SARS1: variants seen among roughly 807,000 people sequenced by gnomAD.
The protein encoded by SARS1 is serine--tRNA ligase, cytoplasmic.
In SARS1, 25 loss-of-function variants were observed where a neutral mutation model predicts 63.7. The observed-to-expected ratio is 0.39, with a 90% CI of 0.29 to 0.55. The LOEUF is 0.55. Among genes scored for constraint, SARS1 ranks in the 20% least tolerant of loss-of-function variants. The pLI, the probability that SARS1 is intolerant of heterozygous loss-of-function variation, is 0.62. For missense variants in SARS1, 417 were observed against 649.7 expected (o/e 0.64, Z 3.89); for synonymous variants, 231 against 243.5 (o/e 0.95, Z 0.48).
At chr1:109,231,892 C>G (rs906170855) in intron 6 of SARS1, 106 bp downstream of exon 6, 1 of 964,438 alleles carries the variant, frequency 1.0e-6, no homozygotes. Flanking sequence ...ATGATGGAAA[C>G]GTTCTCTCTC....
chr1:109,214,273 C>G lies in SARS1; in HGVS notation c.136+145C>G, dbSNP rs1260548566. 3 of 1,038,956 alleles carry G rather than the reference C, an allele frequency of 2.9e-6. No individual in the cohort carries two copies. Among genetic ancestry groups the G allele is most frequent in the Non-Finnish European group, 4.1e-6 (3 of 730,002 alleles). 64.4% of individuals were successfully genotyped at this position (1,038,956 alleles called of 1,614,324 possible). On this transcript the variant is annotated intron_variant, in intron 1 of 10. Transcript: ENST00000234677. This position sits in a 1 kb window ranked among gnomAD's most constrained non-coding sequence, Gnocchi z 4.6. ...GGTGGCTCCGAGGTTCTCCCCATCCCCGAAAACACAGCCTGGTCGCCGGGG... is the reference window on the plus strand; with the variant it reads ...GGTGGCTCCGAGGTTCTCCCCATCCGCGAAAACACAGCCTGGTCGCCGGGG...
chr1:109,226,266 A>T (rs1157993101), intron 2 of SARS1, among the ~76,000 whole-genome samples: 1 of 150,282 alleles, frequency 6.7e-6, no homozygotes, highest in African/African-American at 2.5e-5. Context: ...GAGTGGAGTT[A>T]TGGTTAGAAT....
At position 109,235,222 on chromosome 1, in the gene SARS1, G is replaced by C. The variant is rs1487575499; in HGVS notation, c.760G>C (p.Gly254Arg). The C allele has an allele frequency of 6.2e-7, 1 of 1,614,068 alleles. No homozygotes were observed. Among genetic ancestry groups the C allele is most frequent in the South Asian group, 1.1e-5 (1 of 91,080 alleles). The change falls in exon 7 of 11, where the codon GGC (glycine) becomes CGC (arginine). Residue 254 changes from glycine (G) to arginine (R), a missense_variant. Physicochemically the swap from Gly to Arg is moderately radical, Grantham distance 125. Coordinates refer to ENST00000234677, the MANE Select transcript of SARS1 (RefSeq NM_006513.4). This position sits in a 1 kb window ranked among gnomAD's most constrained non-coding sequence, Gnocchi z 4.7. ...DEELYKVIGK[G>R]SEKSDDNSYD... ...CTTCCTTCCACAGGTGATTGGCAAAGGCAGTGAAAAGTCTGATGACAACTC... is the reference window on the plus strand; with the variant it reads ...CTTCCTTCCACAGGTGATTGGCAAACGCAGTGAAAAGTCTGATGACAACTC...
intron 1 of SARS1, among the ~76,000 whole-genome samples, chr1:109,221,997 TA>T (rs1557715379): frequency 0.015 from 262 of 17,420 alleles, 2 homozygotes; most frequent in Non-Finnish European, 0.02. Context: ...TATATATATA[TA>T]TATATATATA....
chr1:109,236,460 G>A lies in SARS1; in HGVS notation c.1169G>A (p.Arg390His), dbSNP rs756193847. The A allele has an allele frequency of 3.7e-6, 6 of 1,606,110 alleles. No homozygotes were observed. Among genetic ancestry groups the A allele is most frequent in the South Asian group, 1.1e-5 (1 of 90,952 alleles). ...EAWFPGSGAF[R>H]ELVSCSNCTD... is the part of the protein sequence containing the mutation. ...TGGTTTCCGGGCTCAGGAGCCTTCC[G>A]TGAGTTGGTCTCCTGTTCTAATTGC... Residue 390 changes from arginine (R) to histidine (H), a missense_variant, in exon 9 of 11, where the codon CGT becomes CAT. Arg to His is a conservative substitution (Grantham distance 29, BLOSUM62 0). Transcript: ENST00000234677.
At chr1:109,215,270 TG>T in intron 1 of SARS1, 2 of 985,518 alleles carry the variant, frequency 2.0e-6, no homozygotes, top group Non-Finnish European at 2.4e-6. Flanking sequence ...CCACATTTTT[TG>T]TTTAGGATAA....
intron 2 of SARS1, among the ~76,000 whole-genome samples, chr1:109,226,429 G>A (rs1655072090): frequency 6.7e-6 from 1 of 148,366 alleles, no homozygotes; most frequent in Admixed American, 6.7e-5. Flanking sequence ...ATAGCTCACT[G>A]CAGCCTCCAA....
intron 1 of SARS1, chr1:109,216,613 C>T: frequency 3.1e-6 from 3 of 964,946 alleles, no homozygotes; most frequent in African/African-American, 1.8e-5. Flanking sequence ...TTTTACTGTA[C>T]ATTGAAAATT....
chr1:109,216,797 A>G (rs1217039265), intron 1 of SARS1: 8 of 524,016 alleles, frequency 1.5e-5, no homozygotes, highest in Non-Finnish European at 2.0e-5. Flanking sequence ...TAATGTGTGT[A>G]TTTTTTGTAG....
chr1:109,236,541 T>C lies in SARS1; in HGVS notation c.1250T>C (p.Met417Thr). The C allele has an allele frequency of 6.2e-7, 1 of 1,600,946 alleles. No homozygotes were observed. The highest frequency in any genetic ancestry group is 8.6e-7 in the Non-Finnish European group (1 of 1,168,902). ...CGATATGGGCAAACCAAGAAGATGATGGACAAGGTAGATGGCCCCCAGGGA... is the reference window on the plus strand; with the variant it reads ...CGATATGGGCAAACCAAGAAGATGACGGACAAGGTAGATGGCCCCCAGGGA... The part of the protein sequence containing the change: ...RIRYGQTKKM[M>T]DKVEFVHMLN... The change falls in exon 9 of 11, where the codon ATG becomes ACG. Residue 417 changes from methionine to threonine, a missense_variant. Met to Thr is a moderately conservative substitution (Grantham distance 81). Transcript: ENST00000234677.
intron 6 of SARS1, among the ~76,000 whole-genome samples, chr1:109,232,360 C>T (rs1019306387): frequency 4.6e-5 from 7 of 152,238 alleles, no homozygotes; most frequent in Non-Finnish European, 1.0e-4. Context: ...AACAGCACCC[C>T]ACTCTGTGTT....
intron 3 of SARS1, among the ~76,000 whole-genome samples, chr1:109,229,101 T>G (rs1655150099): frequency 6.6e-6 from 1 of 152,094 alleles, no homozygotes; most frequent in African/African-American, 2.4e-5. Flanking sequence ...AAGTGCAAAT[T>G]AAGGGAAAGT....
In SARS1 at chr1:109,226,681, T is replaced by TATATATATATATATACAC. The variant is rs1553177751; in HGVS notation, c.208-1656_208-1655insCACATATATATATATATA. 2.1e-3 allele frequency among the ~76,000 whole-genome samples: 75 copies of TATATATATATATATACAC among 36,190 alleles called. No individual in the cohort carries two copies. In the East Asian group the frequency reaches 0.029, roughly 14 times the overall value. 23.7% of individuals were successfully genotyped at this position (36,190 alleles called of 152,430 possible). On this transcript the variant is annotated intron_variant, in intron 2 of 10. Coordinates refer to ENST00000234677, the MANE Select transcript of SARS1 (RefSeq NM_006513.4). ...GCTAATTTAAAAAAAAAAAAAAATA[T>TATATATATATATATACAC]ATATATATATATATATACACACACA...
At chr1:109,224,697 C>G (rs1227123040) in intron 2 of SARS1, among the ~76,000 whole-genome samples, 1 of 152,072 alleles carries the variant, frequency 6.6e-6, no homozygotes, top group Non-Finnish European at 1.5e-5. Context: ...CCTTCCTATG[C>G]CTGAAAAATA....
chr1:109,228,552 C>G (rs1655140054), intron 3 of SARS1, 120 bp downstream of exon 3: 7 of 679,152 alleles, frequency 1.0e-5, no homozygotes, highest in Non-Finnish European at 1.8e-5. Flanking sequence ...ATTTCTGCTG[C>G]TGGGAAATGT....
chr1:109,233,485 T>TG (rs1655248292), intron 6 of SARS1, among the ~76,000 whole-genome samples: 1 of 19,620 alleles, frequency 5.1e-5, no homozygotes, highest in Non-Finnish European at 3.4e-4. Flanking sequence ...TCTTCCTTAC[T>TG]TTTTTTTTTT....
intron 6 of SARS1, among the ~76,000 whole-genome samples, chr1:109,232,670 C>A (rs766501693): frequency 6.6e-6 from 1 of 152,202 alleles, no homozygotes; most frequent in Non-Finnish European, 1.5e-5. Context: ...AAACCCTGAG[C>A]ATCAGTATAA....
In SARS1 at chr1:109,237,177, T is replaced by C; in HGVS notation, c.1258-67T>C. ...GGGGAAGTCTGGTTGAATGGATGGTTCCTGGCCGTCAGTAAGACCCGATGA... is the reference window on the plus strand; with the variant it reads ...GGGGAAGTCTGGTTGAATGGATGGTCCCTGGCCGTCAGTAAGACCCGATGA... On this transcript the variant is annotated intron_variant, in intron 9 of 10. Coordinates refer to ENST00000234677, the MANE Select transcript of SARS1 (RefSeq NM_006513.4). This position sits in a 1 kb window ranked among gnomAD's most constrained non-coding sequence, Gnocchi z 4.1. 1 of 1,561,294 alleles carries C rather than the reference T, an allele frequency of 6.4e-7. No homozygotes were observed. The highest frequency in any genetic ancestry group is 2.0e-5 in the Admixed American group (1 of 49,624).
chr1:109,233,010 G>A (rs1570762431), intron 6 of SARS1, among the ~76,000 whole-genome samples: 1 of 152,140 alleles, frequency 6.6e-6, no homozygotes, highest in African/African-American at 2.4e-5. Flanking sequence ...CCTCAGTTCT[G>A]TAAGAATGAA....
Sources: gnomAD v4.1 joint callset for allele counts (sites outside exome capture counted in the v4.1 genomes callset) on GRCh38, gnomAD v4.1.1 for gene constraint, Gnocchi (gnomAD v3.1) non-coding constraint, MANE v1.5 for transcripts, NCBI Gene and HGNC (gene_info 2026-07-23, HGNC 2026-07-21) for gene names.